FGF13: variants seen among roughly 807,000 people sequenced by gnomAD.
FGF13 encodes the protein fibroblast growth factor homologous factor 2.
In FGF13, 2 loss-of-function variants were observed where a neutral mutation model predicts 19.5. The observed-to-expected ratio is 0.10, with a 90% CI of 0.04 to 0.32. The LOEUF (loss-of-function observed/expected upper bound fraction) is 0.32. FGF13 is among the 10% of genes least tolerant of loss of function. The pLI is 1.00. For synonymous variants in FGF13, 72 were observed against 76.9 expected (o/e 0.94, Z 0.33); for missense variants, 113 against 192.7 (o/e 0.59, Z 2.45).
In FGF13 at chrX:139,004,220, G is replaced by A. The variant is rs186450185; in HGVS notation, c.-112-139570C>T. Among the ~76,000 whole-genome samples, 21 of 112,745 alleles carry A rather than the reference G, an allele frequency of 1.9e-4. No individual in the cohort carries two copies. In the East Asian group the frequency reaches 5.7e-3, roughly 30 times the overall value. ...GAGAAATCGAGCGCAGCGCCGGTGGGCTGGCACTGCTGGGGGACCCAGTAC... is the reference window on the plus strand; with the variant it reads ...GAGAAATCGAGCGCAGCGCCGGTGGACTGGCACTGCTGGGGGACCCAGTAC... On this transcript the variant is annotated intron_variant, in intron 1 of 2. Coordinates refer to the FGF13 transcript ENST00000421460.
At chrX:138,672,847 G>A (rs2089627813) in intron 3 of FGF13, among the ~76,000 whole-genome samples, 1 of 111,591 alleles carries the variant, frequency 9.0e-6, no homozygotes, top group Non-Finnish European at 1.9e-5. Flanking sequence ...CAATAAAGGA[G>A]ACTTAGAAGG....
At chrX:138,727,753 T>C (rs938542493) in intron 1 of FGF13, among the ~76,000 whole-genome samples, 1 of 111,569 alleles carries the variant, frequency 9.0e-6, no homozygotes, top group Non-Finnish European at 1.9e-5. Flanking sequence ...TTTGAATATA[T>C]AGCCCATAAA....
At position 138,627,402 on chromosome X, in the gene FGF13, A is replaced by T. The variant is rs1256491721; in HGVS notation, c.*5448T>A. The T allele has an allele frequency of 9.0e-6, 1 of 111,603 alleles. No homozygotes were observed. 9.2% of individuals were successfully genotyped at this position (111,603 alleles called of 1,213,427 possible). ...GTACAAAATATGTAGATATGCTAACATGTTGTAGGGCAAACCTGGGCAATA... is the reference window on the plus strand; with the variant it reads ...GTACAAAATATGTAGATATGCTAACTTGTTGTAGGGCAAACCTGGGCAATA... On this transcript the variant is annotated 3_prime_UTR_variant, in exon 5 of 5. Transcript: ENST00000315930.
chrX:138,912,516 C>G (rs2091593368), intron 1 of FGF13, among the ~76,000 whole-genome samples: 1 of 111,460 alleles, frequency 9.0e-6, no homozygotes, highest in African/African-American at 3.3e-5. Context: ...GAGTTAGAAA[C>G]TTCTATAAAT....
chrX:139,137,872 C>T (rs1001624954), intron 1 of FGF13, among the ~76,000 whole-genome samples: 2 of 111,994 alleles, frequency 1.8e-5, no homozygotes, highest in Non-Finnish European at 3.8e-5. Context: ...GTATTCAGTG[C>T]CTGCTCACTG....
intron 1 of FGF13, among the ~76,000 whole-genome samples, chrX:138,962,247 C>T (rs1289856456): frequency 3.6e-5 from 4 of 112,180 alleles, no homozygotes; most frequent in Admixed American, 9.5e-5. Flanking sequence ...TGAAAAAATG[C>T]TCATCATCAC....
At chrX:138,814,464 T>C (rs1334492609) in intron 3 of FGF13, among the ~76,000 whole-genome samples, 1 of 110,815 alleles carries the variant, frequency 9.0e-6, no homozygotes, top group Non-Finnish European at 1.9e-5. Flanking sequence ...ATTTAAGGGA[T>C]TAGTATACAA....
chrX:138,896,665 T>C (rs1476894104), intron 1 of FGF13, among the ~76,000 whole-genome samples: 1 of 112,114 alleles, frequency 8.9e-6, no homozygotes, highest in Non-Finnish European at 1.9e-5. Flanking sequence ...TGGCTGTGCT[T>C]TTAGCTATGT....
intron 1 of FGF13, among the ~76,000 whole-genome samples, chrX:138,952,726 T>C (rs1489852379): frequency 9.0e-6 from 1 of 111,028 alleles, no homozygotes; most frequent in Non-Finnish European, 1.9e-5. Context: ...TAAACAAATT[T>C]ACAAGAAAAA....
At chrX:139,093,966 G>A (rs1289999963) in intron 1 of FGF13, among the ~76,000 whole-genome samples, 1 of 112,083 alleles carries the variant, frequency 8.9e-6, no homozygotes, top group African/African-American at 3.2e-5. Context: ...CTGAGACTGG[G>A]AGCAATGAAA....
intron 1 of FGF13, among the ~76,000 whole-genome samples, chrX:139,162,713 C>T (rs1244840470): frequency 1.8e-5 from 2 of 111,966 alleles, no homozygotes; most frequent in African/African-American, 6.5e-5. Context: ...CAAACAACTC[C>T]ATCAAAAAGT....
upstream of FGF13, chrX:138,714,083 T>C (rs1220782667): frequency 9.0e-6 from 1 of 111,442 alleles, no homozygotes; most frequent in Non-Finnish European, 1.9e-5. Flanking sequence ...CCACAAAAGA[T>C]ATTTCTGTCT....
rs779324852 is a variant in FGF13, at chrX:138,627,181, T to C, written c.*5669A>G. 1.8e-5 allele frequency: 2 copies of C among 111,770 alleles called. No individual in the cohort carries two copies. Among genetic ancestry groups the C allele is most frequent in the South Asian group, 7.6e-4 (2 of 2,628 alleles). The allele number at this position is 111,770 out of a possible 1,213,427, so 9.2% of individuals were successfully genotyped here. A position where few individuals can be genotyped will look rare whatever the true frequency, so the allele number is the denominator to read the frequency against. On this transcript the variant is annotated 3_prime_UTR_variant, in exon 5 of 5. Transcript: ENST00000315930. ...CATTTATCTTTGTGTGAATGCTTTATCCAGGCCTCAGTAATGTGCTGTGAA... is the reference window on the plus strand; with the variant it reads ...CATTTATCTTTGTGTGAATGCTTTACCCAGGCCTCAGTAATGTGCTGTGAA...
intron 1 of FGF13, among the ~76,000 whole-genome samples, chrX:138,880,397 C>T (rs1019245074): frequency 8.9e-6 from 1 of 111,898 alleles, no homozygotes; most frequent in African/African-American, 3.3e-5. Context: ...TTTACTGTGG[C>T]ACTATTTACA....
chrX:138,818,580 T>C (rs2090977920), intron 3 of FGF13, among the ~76,000 whole-genome samples: 1 of 104,986 alleles, frequency 9.5e-6, no homozygotes, highest in African/African-American at 3.6e-5. Flanking sequence ...TTTCATCTAG[T>C]TCAAGTTCTT....
intron 1 of FGF13, among the ~76,000 whole-genome samples, chrX:138,974,440 T>C (rs1352912151): frequency 9.0e-6 from 1 of 111,175 alleles, no homozygotes; most frequent in Non-Finnish European, 1.9e-5. Context: ...CCTACAAGGA[T>C]CCCCTGACCC....
At chrX:138,733,267 T>G (rs779833018) in intron 1 of FGF13, among the ~76,000 whole-genome samples, 201 of 111,843 alleles carry the variant, frequency 1.8e-3, no homozygotes, top group African/African-American at 6.2e-3. Context: ...TTTTGTGTTA[T>G]TTATACATGA....
At chrX:139,150,473 C>A (rs1194448651) in intron 1 of FGF13, among the ~76,000 whole-genome samples, 1 of 112,076 alleles carries the variant, frequency 8.9e-6, no homozygotes, top group Non-Finnish European at 1.9e-5. Flanking sequence ...CCCTGGTGCT[C>A]AAAGAGATGA....
At chrX:138,648,796 G>A (rs2089334528) in intron 3 of FGF13, among the ~76,000 whole-genome samples, 2 of 111,311 alleles carry the variant, frequency 1.8e-5, no homozygotes, top group Non-Finnish European at 1.9e-5. Context: ...TTTTCACAGC[G>A]CACAGAGAAA....
Sources: gnomAD v4.1 joint callset for allele counts (sites outside exome capture counted in the v4.1 genomes callset) on GRCh38, gnomAD v4.1.1 for gene constraint, MANE v1.5 for transcripts, NCBI Gene and HGNC (gene_info 2026-07-23, HGNC 2026-07-21) for gene names.